The following EGFLAM variants were observed in gnomAD, a reference collection of about 807,000 sequenced individuals.
EGFLAM encodes EGF like, fibronectin type III and laminin G domains.
In EGFLAM, 79 loss-of-function variants were observed where a neutral mutation model predicts 113.1. That is an observed-to-expected ratio of 0.70 (90% CI 0.58 to 0.84). The LOEUF (loss-of-function observed/expected upper bound fraction) is 0.84. Among genes scored for constraint, EGFLAM ranks in the 40% least tolerant of loss-of-function variants. The pLI is 0.00. For missense variants in EGFLAM, 1,265 were observed against 1,291.6 expected (o/e 0.98, Z 0.32); for synonymous variants, 504 against 487.6 (o/e 1.03, Z -0.44).
Position 38,365,511 on chromosome 5 carries a change from T to C in EGFLAM, c.546-4785T>C, listed in dbSNP as rs149765623. Among the ~76,000 whole-genome samples the C allele has an allele frequency of 1.6e-3, 238 of 152,306 alleles. 1 individual carries two copies. Among genetic ancestry groups the C allele is most frequent in the African/African-American group, 5.6e-3 (234 of 41,574 alleles). On this transcript the variant is annotated intron_variant, in intron 5 of 21. Transcript: ENST00000322350. ...AATGACACCTGCTTTATTTTTGAAA[T>C]TGTAGAATTGGAAATGCCATCTAAG...
At chr5:38,290,045 G>C (rs1758273728) in intron 1 of EGFLAM, among the ~76,000 whole-genome samples, 1 of 152,172 alleles carries the variant, frequency 6.6e-6, no homozygotes. Context: ...TGACAGATGA[G>C]CAAACTGAGC....
chr5:38,266,008 A>G (rs1004615480), intron 1 of EGFLAM, among the ~76,000 whole-genome samples: 1 of 152,198 alleles, frequency 6.6e-6, no homozygotes, highest in African/African-American at 2.4e-5. Context: ...GTGACTGCTG[A>G]CGACAACATG....
intron 6 of EGFLAM, among the ~76,000 whole-genome samples, chr5:38,378,833 C>T (rs1308460735): frequency 1.3e-5 from 2 of 152,242 alleles, no homozygotes; most frequent in East Asian, 3.9e-4. Flanking sequence ...TACAGTAATC[C>T]TGAGACAGGT....
At chr5:38,335,725 G>T (rs995144477) in intron 1 of EGFLAM, among the ~76,000 whole-genome samples, 3 of 152,144 alleles carry the variant, frequency 2.0e-5, no homozygotes, top group East Asian at 3.9e-4. Flanking sequence ...TGACCTCATG[G>T]TTCCTGCTGA....
intron 15 of EGFLAM, among the ~76,000 whole-genome samples, chr5:38,433,851 A>G (rs1019525205): frequency 6.6e-6 from 1 of 152,174 alleles, no homozygotes; most frequent in African/African-American, 2.4e-5. Flanking sequence ...CTAGTTAAGG[A>G]AGAACCCTCA....
intron 14 of EGFLAM, among the ~76,000 whole-genome samples, chr5:38,427,928 T>G (rs1298554951): frequency 1.3e-5 from 2 of 152,258 alleles, no homozygotes; most frequent in Non-Finnish European, 2.9e-5. Context: ...TAGTTTGTAC[T>G]ATTAAATTAC....
At chr5:38,399,520 C>T (rs1195103055) in intron 6 of EGFLAM, among the ~76,000 whole-genome samples, 1 of 152,054 alleles carries the variant, frequency 6.6e-6, no homozygotes, top group Non-Finnish European at 1.5e-5. Flanking sequence ...TCAAGCGATC[C>T]ACCCACTTTG....
intron 1 of EGFLAM, among the ~76,000 whole-genome samples, chr5:38,309,920 C>T (rs1198083334): frequency 6.6e-6 from 1 of 152,140 alleles, no homozygotes; most frequent in Non-Finnish European, 1.5e-5. Flanking sequence ...ACACCAAATG[C>T]CACTGCTAGT....
intron 21 of EGFLAM, among the ~76,000 whole-genome samples, chr5:38,463,304 C>G (rs544887711): frequency 6.6e-6 from 1 of 152,300 alleles, no homozygotes; most frequent in South Asian, 2.1e-4. Flanking sequence ...TCTGACAAAA[C>G]GGGACCTGTC....
rs1290280955 is a variant in EGFLAM, at chr5:38,404,059, TGGG to T, written c.713-2066_713-2064del. 2.0e-5 allele frequency among the ~76,000 whole-genome samples: 3 copies of T among 152,194 alleles called. No individual in the cohort carries two copies. In the South Asian group the frequency reaches 6.3e-4, roughly 32 times the overall value. On this transcript the variant is annotated intron_variant, in intron 6 of 21. Coordinates refer to ENST00000322350, the MANE Select transcript of EGFLAM (RefSeq NM_152403.4). ...AGAACAGCTCACTCCACCCTGTCTC[TGGG>T]TCATCTGCATCATCTGCTGACTGCA...
intron 6 of EGFLAM, among the ~76,000 whole-genome samples, chr5:38,405,716 C>G (rs576480312): frequency 6.6e-6 from 1 of 152,290 alleles, no homozygotes; most frequent in Non-Finnish European, 1.5e-5. Context: ...GTTTCTCCAG[C>G]TTTTGTAAGT....
chr5:38,268,872 A>C (rs1034884246), intron 1 of EGFLAM, among the ~76,000 whole-genome samples: 3 of 152,182 alleles, frequency 2.0e-5, no homozygotes, highest in Non-Finnish European at 4.4e-5. Context: ...CATTTTACAA[A>C]AGGTAAAATT....
chr5:38,318,164 G>T (rs568507309), intron 1 of EGFLAM, among the ~76,000 whole-genome samples: 1 of 152,070 alleles, frequency 6.6e-6, no homozygotes, highest in East Asian at 1.9e-4. Context: ...GGTGATGAAA[G>T]AAAGAGGACC....
At chr5:38,445,680 G>A in intron 17 of EGFLAM, 1 of 1,598,520 alleles carries the variant, frequency 6.3e-7, no homozygotes, top group Non-Finnish European at 8.5e-7. Context: ...ACCGGGCAGA[G>A]TGTGGGAACT....
At chr5:38,406,269 C>G in intron 7 of EGFLAM, 28 bp downstream of exon 7, 2 of 1,596,864 alleles carry the variant, frequency 1.3e-6, no homozygotes, top group Non-Finnish European at 8.6e-7. Context: ...TCTTAAAACC[C>G]AGGGTGTTTG....
At chr5:38,274,119 T>C (rs1193987153) in intron 1 of EGFLAM, among the ~76,000 whole-genome samples, 1 of 152,034 alleles carries the variant, frequency 6.6e-6, no homozygotes, top group East Asian at 1.9e-4. Flanking sequence ...AAACAATCTG[T>C]GAACCTGAAG....
At chr5:38,349,017 T>C (rs1739546854) in intron 3 of EGFLAM, among the ~76,000 whole-genome samples, 1 of 152,210 alleles carries the variant, frequency 6.6e-6, no homozygotes, top group Non-Finnish European at 1.5e-5. Context: ...GTGATTCTAA[T>C]GTGTAATCAG....
chr5:38,264,698 T>C (rs1757589372), intron 1 of EGFLAM, among the ~76,000 whole-genome samples: 1 of 152,176 alleles, frequency 6.6e-6, no homozygotes, highest in Non-Finnish European at 1.5e-5. Context: ...CTCATCTGTA[T>C]GTTCCTTCCT....
At chr5:38,399,569 C>T (rs1044501964) in intron 6 of EGFLAM, among the ~76,000 whole-genome samples, 1 of 152,154 alleles carries the variant, frequency 6.6e-6, no homozygotes, top group Non-Finnish European at 1.5e-5. Context: ...TGAGCCACTG[C>T]ACCCGGCCCC....
Sources: allele counts gnomAD v4.1 joint callset (sites outside exome capture counted in the v4.1 genomes callset), GRCh38; gene constraint gnomAD v4.1.1; transcripts MANE v1.5; gene names NCBI Gene and HGNC (gene_info 2026-07-23, HGNC 2026-07-21).